Variants in SLC12A6 observed in about 807,000 individuals in gnomAD.
The protein encoded by SLC12A6 is K-Cl cotransporter 3.
SLC12A6 carries 66 observed loss-of-function variants against 135.3 expected under a neutral mutation model. The observed-to-expected ratio is 0.49, with a 90% confidence interval of 0.40 to 0.60. The LOEUF (loss-of-function observed/expected upper bound fraction) is 0.60, where lower values mean the gene tolerates loss of function less well. SLC12A6 is among the 20% of genes least tolerant of loss of function. The pLI is 0.00. For missense variants in SLC12A6, 1,058 were observed against 1,452.3 expected, an observed-to-expected ratio of 0.73 and a Z score of 4.41; for synonymous variants, 513 against 508.8, an observed-to-expected ratio of 1.01 and a Z score of -0.11.
At chr15:34,333,280 A>G (rs1221764002) in intron 2 of SLC12A6, among the ~76,000 whole-genome samples, 2 of 138,996 alleles carry the variant, frequency 1.4e-5, no homozygotes, top group Non-Finnish European at 3.0e-5. Flanking sequence ...CCCAGGCTGG[A>G]GTGCAGCGGC....
intron 4 of SLC12A6, 132 bp downstream of exon 4, chr15:34,260,794 C>G (rs191127887): frequency 2.5e-5 from 16 of 635,308 alleles, no homozygotes; most frequent in Admixed American, 1.3e-4. Flanking sequence ...ACTATAATAA[C>G]AAGTTACAAT....
At chr15:34,279,828 AT>A (rs780649462) in intron 2 of SLC12A6, among the ~76,000 whole-genome samples, 10 of 152,262 alleles carry the variant, frequency 6.6e-5, no homozygotes, top group Non-Finnish European at 8.8e-5. Context: ...CAAATAAAAA[AT>A]AGAAACAAAC....
chr15:34,241,007 T>C, intron 18 of SLC12A6, 178 bp from the exon 19 acceptor site: 1 of 666,260 alleles, frequency 1.5e-6, no homozygotes, highest in Non-Finnish European at 2.7e-6. Flanking sequence ...CCCAGTACTA[T>C]CTCAAGTTGA....
intron 2 of SLC12A6, among the ~76,000 whole-genome samples, chr15:34,280,463 T>A (rs1894600332): frequency 6.6e-6 from 1 of 152,224 alleles, no homozygotes; most frequent in South Asian, 2.1e-4. Flanking sequence ...AAGGCATTTC[T>A]AACTTTCTTA....
intron 2 of SLC12A6, among the ~76,000 whole-genome samples, chr15:34,334,484 TG>T (rs1261018702): frequency 6.6e-6 from 1 of 152,132 alleles, no homozygotes; most frequent in East Asian, 1.9e-4. Context: ...GTGAAATAAT[TG>T]TGTTTCTAAG....
chr15:34,261,718 C>T (rs1032856325), intron 3 of SLC12A6, among the ~76,000 whole-genome samples: 1 of 152,204 alleles, frequency 6.6e-6, no homozygotes, highest in Admixed American at 6.5e-5. Context: ...CTGATAATGA[C>T]AGTAAAAGCT....
intron 3 of SLC12A6, among the ~76,000 whole-genome samples, chr15:34,272,444 G>C (rs965554863): frequency 1.1e-4 from 16 of 152,154 alleles, no homozygotes; most frequent in African/African-American, 3.4e-4. Flanking sequence ...TAAGACAGAA[G>C]ACAGAAGAGG....
rs4780233 is a variant in SLC12A6 at position 34,232,834 on chromosome 15, T to C, written c.*1047A>G. Reference sequence around the variant, plus strand: ...AGAGTGTGGCTCTAGAACTTCCAATTCCATTGCTAGATGTGCCCTTTAAAA... The same window carrying C: ...AGAGTGTGGCTCTAGAACTTCCAATCCCATTGCTAGATGTGCCCTTTAAAA... On this transcript the variant is annotated 3_prime_UTR_variant, in exon 26 of 26. Coordinates refer to ENST00000354181, the MANE Select transcript of SLC12A6 (RefSeq NM_001365088.1). The C allele has an allele frequency of 0.62, 93,514 of 152,052 alleles. 29,697 individuals carry two copies. Among genetic ancestry groups the C allele is most frequent in the East Asian group, 0.73 (3,754 of 5,140 alleles). 9.4% of individuals were successfully genotyped at this position (152,052 alleles called of 1,614,324 possible). A position where few individuals can be genotyped will look rare whatever the true frequency, so the allele number is the denominator to read the frequency against.
At chr15:34,311,283 A>C (rs937454163) in intron 2 of SLC12A6, among the ~76,000 whole-genome samples, 2 of 152,164 alleles carry the variant, frequency 1.3e-5, no homozygotes, top group South Asian at 4.1e-4. Flanking sequence ...ATCTCGAACA[A>C]TTATTTCACA....
At chr15:34,288,217 T>C (rs776443721) in intron 2 of SLC12A6, among the ~76,000 whole-genome samples, 1 of 152,194 alleles carries the variant, frequency 6.6e-6, no homozygotes, top group African/African-American at 2.4e-5. Flanking sequence ...CCCAACACCA[T>C]GTATATGTTT....
At position 34,241,268 on chromosome 15, in the gene SLC12A6, T is replaced by C. The variant is rs766109187; in HGVS notation, c.2232A>G (p.Arg744=). ...TAGTGTGTGGAGGTCCTTCCTCCAA[T>C]CGAAGCAAAGCAAACCGGGCTGCAC... ...SLSAARFALL[R]LEEGPPHTKN... Residue 744 remains arginine (R), a synonymous_variant, in exon 18 of 26, where the codon CGA becomes CGG. Transcript: ENST00000354181. The C allele has an allele frequency of 6.2e-7, 1 of 1,609,602 alleles. No individual in the cohort carries two copies.
intron 2 of SLC12A6, among the ~76,000 whole-genome samples, chr15:34,310,438 T>TG (rs1888106865): frequency 8.2e-6 from 1 of 121,518 alleles, no homozygotes; most frequent in African/African-American, 3.4e-5. Context: ...TGTGTGTGTG[T>TG]CCCCGTGTCC....
chr15:34,287,481 G>C (rs982650194), intron 2 of SLC12A6, among the ~76,000 whole-genome samples: 2 of 152,118 alleles, frequency 1.3e-5, no homozygotes, highest in African/African-American at 4.8e-5. Context: ...ATAATCCTTT[G>C]GGTATATGCC....
At chr15:34,283,490 G>C (rs555177430) in intron 2 of SLC12A6, among the ~76,000 whole-genome samples, 1 of 152,244 alleles carries the variant, frequency 6.6e-6, no homozygotes, top group East Asian at 1.9e-4. Flanking sequence ...AACCCTTAAG[G>C]TGAGACTTGC....
Position 34,250,529 on chromosome 15 carries a change from T to C in SLC12A6, c.1591+102A>G, listed in dbSNP as rs61549125. ...GATAATCTGGCAAGAAGTGAAGTGA[T>C]AGAAAGCAGGTATCTTTGTTACCAG... is the stretch of plus-strand genomic sequence containing the variant. On this transcript the variant is annotated intron_variant, in intron 12 of 25. Transcript: ENST00000354181. 0.11 allele frequency: 96,585 copies of C among 844,148 alleles called. 6,377 individuals carry two copies. The highest frequency in any genetic ancestry group is 0.25 in the East Asian group (9,944 of 40,266). The allele number at this position is 844,148 out of a possible 1,614,324, so 52.3% of individuals were successfully genotyped here. A position where few individuals can be genotyped will look rare whatever the true frequency, so the allele number is the denominator to read the frequency against.
At chr15:34,257,829 T>G in intron 5 of SLC12A6, 41 bp from the exon 6 acceptor site, 1 of 1,433,158 alleles carries the variant, frequency 7.0e-7, no homozygotes, top group Non-Finnish European at 9.8e-7. Context: ...ACAGTTATCC[T>G]AAAGAGAGGT....
intron 2 of SLC12A6, among the ~76,000 whole-genome samples, chr15:34,335,956 G>A (rs751708578): frequency 6.6e-6 from 1 of 152,192 alleles, no homozygotes; most frequent in Non-Finnish European, 1.5e-5. Context: ...CACATTCGAA[G>A]TCTTGGAGGA....
Position 34,252,313 on chromosome 15 carries a change from T to A in SLC12A6, c.1190A>T (p.Asn397Ile). The A allele has an allele frequency of 6.2e-7, 1 of 1,612,936 alleles. No individual in the cohort carries two copies. Among genetic ancestry groups the A allele is most frequent in the Non-Finnish European group, 8.5e-7 (1 of 1,178,956 alleles). ...TAACTTTGATGGGACTGTCATGTTG[T>A]TAATTTCCTTGGTCTTAGAGCAAAC... is the stretch of plus-strand genomic sequence containing the variant. ...IDVCSKTKEINNMTVPSKLWG... is the reference protein window; with the variant it reads ...IDVCSKTKEIINMTVPSKLWG... Residue 397 changes from asparagine (N) to isoleucine (I), a missense_variant, in exon 10 of 26, where the codon AAC (asparagine) becomes ATC (isoleucine). Asn to Ile is a moderately radical substitution (Grantham distance 149). Around this residue, in one of 6 missense-constraint regions of SLC12A6, gnomAD observed 297 missense variants for 318.5 expected, o/e 0.93. Transcript: ENST00000354181.
At chr15:34,333,510 C>T (rs1018527514) in intron 2 of SLC12A6, among the ~76,000 whole-genome samples, 2 of 151,930 alleles carry the variant, frequency 1.3e-5, no homozygotes, top group South Asian at 4.2e-4. Context: ...GGATTACAGG[C>T]GTGAGCCACC....
Sources: allele counts gnomAD v4.1 joint callset (sites outside exome capture counted in the v4.1 genomes callset), GRCh38; gene constraint gnomAD v4.1.1; regional missense constraint gnomAD v4.1.1; transcripts MANE v1.5; gene names NCBI Gene and HGNC (gene_info 2026-07-23, HGNC 2026-07-21).